The following MAP1LC3C variants were observed in gnomAD, a reference collection of about 807,000 sequenced individuals.
MAP1LC3C encodes the protein microtubule associated protein 1 light chain 3 gamma.
MAP1LC3C carries 12 observed loss-of-function variants against 10.4 expected under a neutral mutation model. The ratio of observed to expected loss-of-function variants is 1.15; its 90% CI spans 0.74 to 1.86. The LOEUF is 1.86. Among genes scored for constraint, MAP1LC3C ranks in the 40% most tolerant of loss-of-function variants. The pLI is 0.00. For synonymous variants in MAP1LC3C, 70 were observed against 69.0 expected, an observed-to-expected ratio of 1.01 and a Z score of -0.07; for missense variants, 177 against 185.7, an observed-to-expected ratio of 0.95 and a Z score of 0.27.
intron 3 of MAP1LC3C, among the ~76,000 whole-genome samples, chr1:241,997,376 C>T (rs144567714): frequency 8.1e-4 from 123 of 152,136 alleles, no homozygotes; most frequent in African/African-American, 2.9e-3. Flanking sequence ...TAAAATTAGC[C>T]GGGCACGGTG....
Position 241,996,215 on chromosome 1 carries a change from G to A in MAP1LC3C, c.392C>T (p.Ala131Val), listed in dbSNP as rs1355818306. The change falls in exon 4 of 4, where the codon GCA (alanine) becomes GTA (valine). Residue 131 changes from alanine to valine, a missense_variant. Physicochemically the swap from Ala to Val is moderately conservative, Grantham distance 64 (BLOSUM62 0). Coordinates refer to ENST00000357246, the MANE Select transcript of MAP1LC3C (RefSeq NM_001004343.3). ...SQETFGCLES[A>V]APRDGSSLED... ...AAGGCTGCTCCCATCCCTGGGGGCT[G>A]CTGACTCCAGGCAGCCAAATGTCTC... The A allele has an allele frequency of 6.2e-7, 1 of 1,614,110 alleles. No homozygotes were observed. The highest frequency in any genetic ancestry group is 8.5e-7 in the Non-Finnish European group (1 of 1,180,030).
chr1:242,000,263 C>T (rs1398491686), upstream of MAP1LC3C, among the ~76,000 whole-genome samples: 1 of 152,182 alleles, frequency 6.6e-6, no homozygotes, highest in African/African-American at 2.4e-5. Flanking sequence ...TTGTTTGAAA[C>T]AGAGTCTTGC....
chr1:241,998,640 T>C lies in MAP1LC3C; in HGVS notation c.115-20A>G. On this transcript the variant is annotated intron_variant, in intron 2 of 3. Coordinates refer to ENST00000357246, the MANE Select transcript of MAP1LC3C (RefSeq NM_001004343.3). ...TACCACCTGTCAAGAGTGTCAGTCC[T>C]TAAGAATGTGACTCAGCGTGAGTGT... 1 of 1,607,888 alleles carries C rather than the reference T, an allele frequency of 6.2e-7. No individual in the cohort carries two copies. Among genetic ancestry groups the C allele is most frequent in the Non-Finnish European group, 8.5e-7 (1 of 1,176,672 alleles).
In MAP1LC3C at chr1:241,997,317, A is replaced by T. The variant is rs190351030; in HGVS notation, c.222-932T>A. ...CTCTTAACTCAGTAAAACAAAATAA[A>T]AAGAGGCCTGGGCAACATCGTGAGA... is the stretch of plus-strand genomic sequence containing the variant. On this transcript the variant is annotated intron_variant, in intron 3 of 3. Transcript: ENST00000357246. Among the ~76,000 whole-genome samples the T allele has an allele frequency of 4.3e-3, 651 of 152,236 alleles. 6 individuals carry two copies. Among genetic ancestry groups the T allele is most frequent in the African/African-American group, 0.015 (624 of 41,550 alleles).
chr1:241,998,000 C>T (rs1157892584), intron 3 of MAP1LC3C, among the ~76,000 whole-genome samples: 1 of 147,442 alleles, frequency 6.8e-6, no homozygotes, highest in Non-Finnish European at 1.5e-5. Flanking sequence ...ATTCTCCTTA[C>T]CTGTTTAAAA....
chr1:241,998,135 GC>G (rs1665124934), intron 3 of MAP1LC3C, among the ~76,000 whole-genome samples: 1 of 145,838 alleles, frequency 6.9e-6, no homozygotes, highest in South Asian at 2.1e-4. Flanking sequence ...CGATTCTCCT[GC>G]CTCAGCCTCC....
rs765247660 is a variant in MAP1LC3C at position 241,998,932 on chromosome 1, G to T, written c.58+19C>A. On this transcript the variant is annotated intron_variant, in intron 1 of 3. Transcript: ENST00000357246. Reference sequence around the variant, plus strand: ...CTCCTCTCTTTAGATAACCCAGAAAGCTACCCCAAGAAATTTACCCAAGCT... The same window carrying T: ...CTCCTCTCTTTAGATAACCCAGAAATCTACCCCAAGAAATTTACCCAAGCT... 1 of 1,610,664 alleles carries T rather than the reference G, an allele frequency of 6.2e-7. No individual in the cohort carries two copies. Among genetic ancestry groups the T allele is most frequent in the Non-Finnish European group, 8.5e-7 (1 of 1,179,328 alleles).
At position 241,998,932 on chromosome 1, in the gene MAP1LC3C, G is replaced by A. The variant is rs765247660; in HGVS notation, c.58+19C>T. On this transcript the variant is annotated intron_variant, in intron 1 of 3. Coordinates refer to ENST00000357246, the MANE Select transcript of MAP1LC3C (RefSeq NM_001004343.3). Reference sequence around the variant, plus strand: ...CTCCTCTCTTTAGATAACCCAGAAAGCTACCCCAAGAAATTTACCCAAGCT... The same window carrying A: ...CTCCTCTCTTTAGATAACCCAGAAAACTACCCCAAGAAATTTACCCAAGCT... The A allele has an allele frequency of 1.4e-5, 22 of 1,610,664 alleles. No homozygotes were observed. The highest frequency in any genetic ancestry group is 1.8e-5 in the Non-Finnish European group (21 of 1,179,328).
In MAP1LC3C at chr1:241,999,022, T is replaced by G; in HGVS notation, c.-14A>C. On this transcript the variant is annotated 5_prime_UTR_variant, in exon 1 of 4. Transcript: ENST00000357246. Reference sequence around the variant, plus strand: ...TGGAGGCGGCATTGCACTCAGTAGCTGTGTCTGTTTTAAAAAAGAAAAAAA... The same window carrying G: ...TGGAGGCGGCATTGCACTCAGTAGCGGTGTCTGTTTTAAAAAAGAAAAAAA... 1 of 1,592,918 alleles carries G rather than the reference T, an allele frequency of 6.3e-7. No individual in the cohort carries two copies. The highest frequency in any genetic ancestry group is 8.5e-7 in the Non-Finnish European group (1 of 1,174,986).
upstream of MAP1LC3C, among the ~76,000 whole-genome samples, chr1:242,001,138 G>A (rs145397144): frequency 1.7e-3 from 259 of 152,154 alleles, no homozygotes; most frequent in African/African-American, 2.8e-3. Context: ...TTAGCTGGGC[G>A]TTGTGGTGGG....
intron 1 of MAP1LC3C, 58 bp from the exon 2 acceptor site, chr1:241,998,889 A>C: frequency 6.2e-7 from 1 of 1,614,054 alleles, no homozygotes; most frequent in Non-Finnish European, 8.5e-7. Flanking sequence ...AGCAAAGATC[A>C]AGAGAAGGCC....
chr1:241,998,591 C>T lies in MAP1LC3C; in HGVS notation c.144G>A (p.Thr48=). 1 of 1,612,420 alleles carries T rather than the reference C, an allele frequency of 6.2e-7. No homozygotes were observed. Among genetic ancestry groups the T allele is most frequent in the African/African-American group, 1.3e-5 (1 of 74,984 alleles). The change falls in exon 3 of 4, where the codon ACG becomes ACA. Residue 48 remains threonine, a synonymous_variant. Coordinates refer to ENST00000357246, the MANE Select transcript of MAP1LC3C (RefSeq NM_001004343.3). ...TGGTTTTGTCCAGCGGGGGCAGGAA[C>T]GTCTCCCTGGGGTAGCGCTCCACTA... is the stretch of plus-strand genomic sequence containing the variant. ...PVVVERYPRE[T]FLPPLDKTKF...
chr1:242,000,351 C>T (rs1386732298), upstream of MAP1LC3C, among the ~76,000 whole-genome samples: 1 of 152,158 alleles, frequency 6.6e-6, no homozygotes, highest in Non-Finnish European at 1.5e-5. Context: ...AGCGATTTCT[C>T]CCGAGTAGCT....
intron 3 of MAP1LC3C, among the ~76,000 whole-genome samples, chr1:241,998,018 A>ATTTTTTT (rs1558179174): frequency 4.5e-5 from 4 of 89,388 alleles, no homozygotes; most frequent in African/African-American, 4.8e-5. Flanking sequence ...AAATAGAGTA[A>ATTTTTTT]TTCTTTTTTT....
Position 241,998,939 on chromosome 1 carries a change from C to T in MAP1LC3C, c.58+12G>A. 6.2e-7 allele frequency: 1 copy of T among 1,610,948 alleles called. No homozygotes were observed. The highest frequency in any genetic ancestry group is 8.5e-7 in the Non-Finnish European group (1 of 1,179,356). Reference sequence around the variant, plus strand: ...CTTTAGATAACCCAGAAAGCTACCCCAAGAAATTTACCCAAGCTTTTCCTC... The same window carrying T: ...CTTTAGATAACCCAGAAAGCTACCCTAAGAAATTTACCCAAGCTTTTCCTC... On this transcript the variant is annotated intron_variant, in intron 1 of 3. Transcript: ENST00000357246.
upstream of MAP1LC3C, among the ~76,000 whole-genome samples, chr1:242,000,087 G>A (rs78721120): frequency 3.2e-3 from 482 of 152,192 alleles, 2 homozygotes; most frequent in African/African-American, 0.011. Flanking sequence ...CCCATACACC[G>A]AGCAATCACT....
At chr1:242,000,758 C>A (rs1665181553), upstream of MAP1LC3C, among the ~76,000 whole-genome samples, 2 of 152,098 alleles carry the variant, frequency 1.3e-5, no homozygotes, top group Admixed American at 6.6e-5. Context: ...CTAGCAGAAC[C>A]TAGGCCTTTT....
In MAP1LC3C at chr1:241,996,294, A is replaced by G. The variant is rs532272336; in HGVS notation, c.313T>C (p.Tyr105His). The G allele has an allele frequency of 6.2e-7, 1 of 1,614,124 alleles. No individual in the cohort carries two copies. Among genetic ancestry groups the G allele is most frequent in the South Asian group, 1.1e-5 (1 of 91,078 alleles). Residue 105 changes from tyrosine (Y) to histidine (H), a missense_variant, in exon 4 of 4, where the codon TAC becomes CAC. Tyr to His is a moderately conservative substitution (Grantham distance 83). Coordinates refer to ENST00000357246, the MANE Select transcript of MAP1LC3C (RefSeq NM_001004343.3). ...CCATCCTCATCCTTGTAGTCTCTGT[A>G]GATCTCTGCCATGGTTGCGCTCATG... ...VSMSATMAEI[Y>H]RDYKDEDGFV... is the part of the protein sequence containing the mutation.
rs768580624 is a variant in MAP1LC3C at position 241,996,380 on chromosome 1, C to G, written c.227G>C (p.Arg76Pro). ...GGCTTCCGTGGCTCTCAGGACCATG[C>G]GGCTCCTGGGATGGGCAGGAGGGTG... Reference protein sequence around the residue: ...MTQFLSIIRSRMVLRATEAFY... With the variant: ...MTQFLSIIRSPMVLRATEAFY... Residue 76 changes from arginine to proline, a missense_variant, in exon 4 of 4, where the codon CGC becomes CCC. Arg to Pro is a moderately radical substitution (Grantham distance 103). Coordinates refer to ENST00000357246, the MANE Select transcript of MAP1LC3C (RefSeq NM_001004343.3). The G allele has an allele frequency of 6.2e-7, 1 of 1,613,646 alleles. No individual in the cohort carries two copies. Among genetic ancestry groups the G allele is most frequent in the Non-Finnish European group, 8.5e-7 (1 of 1,179,716 alleles).
Sources: allele counts gnomAD v4.1 joint callset (sites outside exome capture counted in the v4.1 genomes callset), GRCh38; gene constraint gnomAD v4.1.1; transcripts MANE v1.5; gene names NCBI Gene and HGNC (gene_info 2026-07-23, HGNC 2026-07-21).